DOCK9: variants seen among roughly 807,000 people sequenced by gnomAD.
DOCK9 encodes dedicator of cytokinesis protein 9.
In DOCK9, 89 loss-of-function variants were observed where a neutral mutation model predicts 263.3. The observed-to-expected ratio is 0.34, with a 90% CI of 0.28 to 0.40. DOCK9 has a LOEUF of 0.40. Ranked by LOEUF, DOCK9 falls within the 10% of genes least tolerant of loss-of-function variation. The probability of loss-of-function intolerance (pLI) is 1.00; values close to 1 mark genes in which losing one functional copy is unlikely to be tolerated. For missense variants in DOCK9, 2,140 were observed against 2,603.4 expected (o/e 0.82, Z 3.87); for synonymous variants, 976 against 973.1 (o/e 1.00, Z -0.06).
In DOCK9 at chr13:98,955,549, T is replaced by C; in HGVS notation, c.129A>G (p.Ala43=). The C allele has an allele frequency of 1.9e-6, 3 of 1,583,074 alleles. No individual in the cohort carries two copies. The highest frequency in any genetic ancestry group is 2.3e-5 in the East Asian group (1 of 43,934). The change falls in exon 2 of 53, where the codon GCA becomes GCG. Residue 43 remains alanine, a splice_region_variant and synonymous_variant. Transcript: ENST00000682017. ...CGAGTGGCTCAATTAGCTTTGGCTTTGCCTGGAGGGCGAAAAGATAAGCAA... is the reference window on the plus strand; with the variant it reads ...CGAGTGGCTCAATTAGCTTTGGCTTCGCCTGGAGGGCGAAAAGATAAGCAA... The part of the protein sequence containing the change: ...VEAESPGPVP[A]KPKLIEPLDY...
chr13:98,954,265 G>A (rs747428463), intron 2 of DOCK9, among the ~76,000 whole-genome samples: 29 of 151,136 alleles, frequency 1.9e-4, no homozygotes, highest in African/African-American at 3.2e-4. Flanking sequence ...AAGGCAGCTC[G>A]ATTCACAAAA....
chr13:99,018,880 A>G (rs984019479), intron 1 of DOCK9, among the ~76,000 whole-genome samples: 1 of 152,144 alleles, frequency 6.6e-6, no homozygotes, highest in Non-Finnish European at 1.5e-5. Flanking sequence ...ACAGCTCCTA[A>G]GACTAAATGT....
At chr13:98,979,046 C>T (rs934616055), upstream of DOCK9, among the ~76,000 whole-genome samples, 2 of 152,118 alleles carry the variant, frequency 1.3e-5, no homozygotes, top group African/African-American at 4.8e-5. Context: ...CTCTGTACTT[C>T]ATGGATACCG....
intron 1 of DOCK9, among the ~76,000 whole-genome samples, chr13:98,975,472 T>C (rs56965022): frequency 5.2e-4 from 74 of 142,478 alleles, no homozygotes; most frequent in Non-Finnish European, 4.6e-4. Context: ...TCTAAACACA[T>C]ACACACACAC....
At chr13:98,800,510 G>A (rs776079271) in intron 49 of DOCK9, 32 bp from the exon 50 acceptor site, 2 of 1,601,680 alleles carry the variant, frequency 1.2e-6, no homozygotes, top group Non-Finnish European at 8.5e-7. Context: ...ATTACTGCAT[G>A]GCTTGCACGA....
At chr13:98,811,029 C>G (rs926188343) in intron 45 of DOCK9, among the ~76,000 whole-genome samples, 1 of 152,210 alleles carries the variant, frequency 6.6e-6, no homozygotes, top group African/African-American at 2.4e-5. Context: ...TGGCATTCAT[C>G]TCATGGCCAT....
chr13:98,891,799 A>G (rs1264595083), intron 15 of DOCK9, among the ~76,000 whole-genome samples: 1 of 124,492 alleles, frequency 8.0e-6, no homozygotes, highest in Non-Finnish European at 1.6e-5. Context: ...TATGTAGCAC[A>G]TGGGCTTTTA....
chr13:98,974,150 G>A (rs371971464), intron 1 of DOCK9, among the ~76,000 whole-genome samples: 76 of 152,078 alleles, frequency 5.0e-4, no homozygotes, highest in African/African-American at 1.8e-3. Context: ...CAGGAATTAC[G>A]TTAGAGTTTT....
In DOCK9 at chr13:98,868,199, T is replaced by C. The variant is rs774378812; in HGVS notation, c.3090+32A>G. ...TGGTAAAAAGCACATCTTTGTCCCA[T>C]AACTGATATCCTCTTCCCTGGAGGT... is the stretch of plus-strand genomic sequence containing the variant. On this transcript the variant is annotated intron_variant, in intron 28 of 52. Coordinates refer to ENST00000682017, the MANE Select transcript of DOCK9 (RefSeq NM_001366683.2). 10 of 1,612,122 alleles carry C rather than the reference T, an allele frequency of 6.2e-6. No individual in the cohort carries two copies. The Admixed American group carries it at 1.5e-4, about 24-fold the overall frequency.
intron 29 of DOCK9, 72 bp from the exon 30 acceptor site, chr13:98,867,608 C>A: frequency 1.0e-6 from 1 of 969,488 alleles, no homozygotes; most frequent in South Asian, 1.4e-5. Context: ...AACCTATTAG[C>A]AATAGTATGC....
intron 37 of DOCK9, among the ~76,000 whole-genome samples, 171 bp from the exon 38 acceptor site, chr13:98,846,231 G>A (rs1474443048): frequency 6.6e-6 from 1 of 152,064 alleles, no homozygotes; most frequent in Non-Finnish European, 1.5e-5. Context: ...CACACTTCAC[G>A]GCAAAGCACC....
At chr13:98,938,360 C>T (rs1278227009) in intron 2 of DOCK9, among the ~76,000 whole-genome samples, 1 of 152,184 alleles carries the variant, frequency 6.6e-6, no homozygotes, top group African/African-American at 2.4e-5. Context: ...TTTGAACTTT[C>T]CACATCCACA....
At chr13:98,812,156 T>C (rs1296855400) in intron 45 of DOCK9, among the ~76,000 whole-genome samples, 2 of 149,186 alleles carry the variant, frequency 1.3e-5, no homozygotes, top group Non-Finnish European at 3.0e-5. Flanking sequence ...TTTTCGGTTT[T>C]GCTACACTTT....
intron 15 of DOCK9, 66 bp downstream of exon 15, chr13:98,897,422 C>T: frequency 6.3e-7 from 1 of 1,589,354 alleles, no homozygotes; most frequent in Non-Finnish European, 8.6e-7. Flanking sequence ...GACTGCTCCC[C>T]TGTTCCTCCC....
intron 9 of DOCK9, 149 bp downstream of exon 9, chr13:98,914,179 A>G: frequency 1.6e-6 from 1 of 641,318 alleles, no homozygotes; most frequent in South Asian, 2.1e-5. Context: ...GCATGAGTAC[A>G]CGTCACCTCG....
chr13:98,995,734 C>T (rs1046746705), intron 1 of DOCK9, among the ~76,000 whole-genome samples: 47 of 152,126 alleles, frequency 3.1e-4, no homozygotes, highest in African/African-American at 1.1e-3. Flanking sequence ...GTGATCCGCC[C>T]GTCTAGGCCT....
intron 1 of DOCK9, among the ~76,000 whole-genome samples, chr13:98,964,490 G>A (rs1023946707): frequency 2.6e-5 from 4 of 152,184 alleles, no homozygotes; most frequent in Non-Finnish European, 4.4e-5. Context: ...GGGAGCATGT[G>A]CATGGATGGA....
Position 98,941,670 on chromosome 13 carries a change from G to C in DOCK9, c.244-11413C>G, listed in dbSNP as rs141375102. Among the ~76,000 whole-genome samples, 89 of 152,286 alleles carry C rather than the reference G, an allele frequency of 5.8e-4. 1 individual carries two copies. Among genetic ancestry groups the C allele is most frequent in the African/African-American group, 2.0e-3 (82 of 41,552 alleles). ...ACAGGAGAGTTACCCAGAAAACCAG[G>C]AGTAGCCTTGTGGTCATTTGGGGCC... On this transcript the variant is annotated intron_variant, in intron 2 of 52. Transcript: ENST00000682017.
chr13:98,814,191 C>T (rs2091592236), intron 45 of DOCK9, among the ~76,000 whole-genome samples: 1 of 152,134 alleles, frequency 6.6e-6, no homozygotes, highest in Non-Finnish European at 1.5e-5. Flanking sequence ...TTATAGCACA[C>T]GAGTCATAAA....
Sources: allele counts gnomAD v4.1 joint callset (sites outside exome capture counted in the v4.1 genomes callset), GRCh38; gene constraint gnomAD v4.1.1; transcripts MANE v1.5; gene names NCBI Gene and HGNC (gene_info 2026-07-23, HGNC 2026-07-21).